Variants in PTPRK observed in about 807,000 individuals in gnomAD.
PTPRK encodes receptor-type tyrosine-protein phosphatase kappa.
In PTPRK, 75 loss-of-function variants were observed where a neutral mutation model predicts 178.0. The observed-to-expected ratio is 0.42, with a 90% CI of 0.35 to 0.51. The LOEUF (loss-of-function observed/expected upper bound fraction) is 0.51. PTPRK is among the 20% of genes least tolerant of loss of function. The pLI is 0.02. For missense variants in PTPRK, 1,441 were observed against 1,797.8 expected, an observed-to-expected ratio of 0.80 and a Z score of 3.59; for synonymous variants, 637 against 620.6, an observed-to-expected ratio of 1.03 and a Z score of -0.39.
In PTPRK at chr6:128,157,968, T is replaced by C. The variant is rs568418257; in HGVS notation, c.1162+26464A>G. ...AGATCCCATTTGTCAATTTTGGCTT[T>C]TGTTGCCATTGCTTTTGGTGTTTTA... On this transcript the variant is annotated intron_variant, in intron 7 of 29. Transcript: ENST00000368226. 3.9e-5 allele frequency among the ~76,000 whole-genome samples: 6 copies of C among 152,172 alleles called. No homozygotes were observed. In the South Asian group the frequency reaches 1.2e-3, roughly 32 times the overall value.
intron 1 of PTPRK, among the ~76,000 whole-genome samples, chr6:128,459,163 C>T (rs1213991292): frequency 6.6e-6 from 1 of 152,032 alleles, no homozygotes; most frequent in African/African-American, 2.4e-5. Context: ...TTCATTATCC[C>T]TATGTTCCTT....
intron 3 of PTPRK, among the ~76,000 whole-genome samples, chr6:128,317,358 T>C (rs945403183): frequency 2.0e-5 from 3 of 152,142 alleles, no homozygotes; most frequent in African/African-American, 7.2e-5. Flanking sequence ...CAATAGATCA[T>C]CTTTCTTCCT....
intron 1 of PTPRK, among the ~76,000 whole-genome samples, chr6:128,498,008 T>C (rs183973752): frequency 1.4e-3 from 207 of 152,284 alleles, no homozygotes; most frequent in African/African-American, 4.7e-3. Context: ...TTTAGATACT[T>C]TTCTATTAGC....
chr6:128,198,500 C>A (rs1485439105), intron 6 of PTPRK, among the ~76,000 whole-genome samples: 1 of 152,074 alleles, frequency 6.6e-6, no homozygotes, highest in African/African-American at 2.4e-5. Context: ...GGAGGGATAG[C>A]ATTAGGAGAA....
chr6:128,174,268 G>A (rs1381604451), intron 7 of PTPRK, among the ~76,000 whole-genome samples: 1 of 151,948 alleles, frequency 6.6e-6, no homozygotes, highest in Non-Finnish European at 1.5e-5. Flanking sequence ...AAGGAAAAAT[G>A]TTTAATATTG....
At chr6:128,134,361 TTGTGATAAC>T (rs1480495863) in intron 7 of PTPRK, among the ~76,000 whole-genome samples, 1 of 152,198 alleles carries the variant, frequency 6.6e-6, no homozygotes, top group Non-Finnish European at 1.5e-5. Flanking sequence ...CTACTCTGCC[TTGTGATAAC>T]TGTATTTTTC....
chr6:128,334,841 C>T (rs1362167726), intron 2 of PTPRK, among the ~76,000 whole-genome samples: 1 of 152,046 alleles, frequency 6.6e-6, no homozygotes, highest in Non-Finnish European at 1.5e-5. Flanking sequence ...CTGTAATCCC[C>T]GGACTTTGGG....
At chr6:128,194,960 T>A (rs777558237) in intron 6 of PTPRK, among the ~76,000 whole-genome samples, 42 of 152,140 alleles carry the variant, frequency 2.8e-4, no homozygotes, top group Non-Finnish European at 5.3e-4. Context: ...AAAAAAAACC[T>A]ACTGCAAAAT....
At chr6:127,995,128 T>C in intron 18 of PTPRK, 1 of 982,992 alleles carries the variant, frequency 1.0e-6, no homozygotes, top group Non-Finnish European at 1.6e-6. Context: ...ATATATTGTA[T>C]GAAGCTAATT....
intron 13 of PTPRK, among the ~76,000 whole-genome samples, chr6:128,029,867 G>A (rs1775011958): frequency 6.6e-6 from 1 of 152,026 alleles, no homozygotes; most frequent in African/African-American, 2.4e-5. Flanking sequence ...AAATATCACT[G>A]CTTAGGTTCC....
In PTPRK at chr6:128,511,463, A is replaced by G. The variant is rs1857177066; in HGVS notation, c.100+8796T>C. Among the ~76,000 whole-genome samples the G allele has an allele frequency of 2.6e-5, 4 of 152,242 alleles. No homozygotes were observed. In the South Asian group the frequency reaches 8.3e-4, roughly 32 times the overall value. Reference sequence around the variant, plus strand: ...GAGCCTTATCAGGTGCAACCAGCAGATAATTCACATTTCCTTAAGGGACTT... The same window carrying G: ...GAGCCTTATCAGGTGCAACCAGCAGGTAATTCACATTTCCTTAAGGGACTT... On this transcript the variant is annotated intron_variant, in intron 1 of 29. Transcript: ENST00000368226.
At chr6:128,000,015 G>A in intron 15 of PTPRK, 1 of 943,420 alleles carries the variant, frequency 1.1e-6, no homozygotes, top group Non-Finnish European at 1.3e-6. Flanking sequence ...GTACTTTAAT[G>A]ACCGAAGTAC....
intron 3 of PTPRK, among the ~76,000 whole-genome samples, chr6:128,273,451 C>A (rs556032626): frequency 6.6e-6 from 1 of 152,236 alleles, no homozygotes; most frequent in East Asian, 1.9e-4. Context: ...GTCCTATACC[C>A]ATTCTATGAA....
At chr6:128,398,626 A>G (rs1188806004) in intron 1 of PTPRK, among the ~76,000 whole-genome samples, 1 of 152,238 alleles carries the variant, frequency 6.6e-6, no homozygotes, top group East Asian at 1.9e-4. Flanking sequence ...TTGAAATCTC[A>G]TAATAGCCAA....
intron 1 of PTPRK, among the ~76,000 whole-genome samples, chr6:128,487,282 C>G (rs902822363): frequency 6.7e-6 from 1 of 150,352 alleles, no homozygotes; most frequent in Non-Finnish European, 1.5e-5. Context: ...ACACCTTGAC[C>G]GAAAGTCCCT....
intron 3 of PTPRK, among the ~76,000 whole-genome samples, chr6:128,302,740 T>A (rs1459368491): frequency 6.6e-6 from 1 of 152,172 alleles, no homozygotes; most frequent in African/African-American, 2.4e-5. Context: ...ATGTTGGTAT[T>A]CATGAACCCT....
chr6:128,054,210 T>A (rs1779525501), intron 13 of PTPRK, among the ~76,000 whole-genome samples: 1 of 152,228 alleles, frequency 6.6e-6, no homozygotes, highest in Non-Finnish European at 1.5e-5. Context: ...GTCCTATAGC[T>A]TTTGTTCTAC....
chr6:128,033,487 T>C (rs1327210205), intron 13 of PTPRK, among the ~76,000 whole-genome samples: 1 of 152,194 alleles, frequency 6.6e-6, no homozygotes, highest in Admixed American at 6.5e-5. Context: ...TGCATTCAAA[T>C]AAATTTTTGT....
intron 13 of PTPRK, among the ~76,000 whole-genome samples, chr6:128,035,769 G>T (rs1776104220): frequency 6.6e-6 from 1 of 152,054 alleles, no homozygotes. Context: ...AAATGTGTAG[G>T]GACACTTGGG....
Sources: gnomAD v4.1 joint callset for allele counts (sites outside exome capture counted in the v4.1 genomes callset) on GRCh38, gnomAD v4.1.1 for gene constraint, MANE v1.5 for transcripts, NCBI Gene and HGNC (gene_info 2026-07-23, HGNC 2026-07-21) for gene names.